Variants in REST observed in about 807,000 individuals in gnomAD.
REST encodes RE1-silencing transcription factor.
Under a neutral mutation model 30.4 loss-of-function variants are expected in REST, and 1 was observed. That is an observed-to-expected ratio of 0.03 (90% CI 0.01 to 0.16). The LOEUF (loss-of-function observed/expected upper bound fraction) is 0.16. Ranked by LOEUF, REST falls within the 10% of genes least tolerant of loss-of-function variation. REST has a pLI of 1.00. For missense variants in REST, 1,259 were observed against 1,329.5 expected (o/e 0.95, Z 0.82); for synonymous variants, 504 against 451.1 (o/e 1.12, Z -1.49).
Position 56,910,906 on chromosome 4 carries a change from G to A in REST, c.268G>A (p.Gly90Arg), listed in dbSNP as rs748955783. Residue 90 changes from glycine to arginine, a missense_variant, in exon 2 of 4, where the codon GGA (glycine) becomes AGA (arginine). Physicochemically the swap from Gly to Arg is moderately radical, Grantham distance 125 (BLOSUM62 -2). Around this residue, in one of 5 missense-constraint regions of REST, gnomAD observed 249 missense variants for 251.5 expected, o/e 0.99. Coordinates refer to ENST00000309042, the MANE Select transcript of REST (RefSeq NM_005612.5). ...GDNNFSDSEE[G>R]EGLEESADIK... ...TAACAACTTTTCAGATAGTGAAGAA[G>A]GAGAAGGACTTGAAGAGTCTGCTGA... 6 of 1,614,078 alleles carry A rather than the reference G, an allele frequency of 3.7e-6. No homozygotes were observed. The highest frequency in any genetic ancestry group is 1.6e-4 in the Middle Eastern group (1 of 6,084).
intron 3 of REST, among the ~76,000 whole-genome samples, chr4:56,923,738 T>C (rs1253323359): frequency 6.6e-6 from 1 of 151,624 alleles, no homozygotes; most frequent in Non-Finnish European, 1.5e-5. Context: ...TTTATTTATT[T>C]ATTGAGACTG....
intron 2 of REST, among the ~76,000 whole-genome samples, chr4:56,919,029 G>A (rs547678292): frequency 1.3e-5 from 2 of 149,076 alleles, no homozygotes; most frequent in Non-Finnish European, 3.0e-5. Context: ...TCAGCCTCCC[G>A]AGTAGCTGGG....
Position 56,910,738 on chromosome 4 carries a change from C to T in REST, c.100C>T (p.His34Tyr). The change falls in exon 2 of 4, where the codon CAT (histidine) becomes TAT (tyrosine). Residue 34 changes from histidine to tyrosine, a missense_variant. Physicochemically the swap from His to Tyr is moderately conservative, Grantham distance 83. This residue lies in a region of REST where 249 missense variants were observed against 251.5 expected (regional missense o/e 0.99). Coordinates refer to ENST00000309042, the MANE Select transcript of REST (RefSeq NM_005612.5). ...CCTGCCTAACGACATGTATGACTTGCATGACCTTTCCAAAGCTGAACTGGC... is the reference window on the plus strand; with the variant it reads ...CCTGCCTAACGACATGTATGACTTGTATGACCTTTCCAAAGCTGAACTGGC... ...MALPNDMYDL[H>Y]DLSKAELAAP... 6.2e-7 allele frequency: 1 copy of T among 1,614,186 alleles called. No individual in the cohort carries two copies. Among genetic ancestry groups the T allele is most frequent in the South Asian group, 1.1e-5 (1 of 91,080 alleles).
At chr4:56,922,720 T>C (rs1720512051) in intron 3 of REST, among the ~76,000 whole-genome samples, 1 of 152,234 alleles carries the variant, frequency 6.6e-6, no homozygotes, top group Non-Finnish European at 1.5e-5. Context: ...TTGAAAAAAA[T>C]ACGACCTTTT....
At chr4:56,929,762 T>C (rs1480853400) in intron 3 of REST, 79 bp from the exon 4 acceptor site, 4 of 1,276,786 alleles carry the variant, frequency 3.1e-6, no homozygotes, top group Non-Finnish European at 4.3e-6. Flanking sequence ...GTTGTTACTT[T>C]ACATATACAG....
chr4:56,911,963 G>T (rs1230923572), intron 2 of REST, among the ~76,000 whole-genome samples: 1 of 151,404 alleles, frequency 6.6e-6, no homozygotes, highest in Admixed American at 6.6e-5. Context: ...GTCTCAAAAA[G>T]AAAACAGAAA....
chr4:56,932,230 C>T lies in REST; in HGVS notation c.*78C>T, dbSNP rs770018766. 107 of 1,437,632 alleles carry T rather than the reference C, an allele frequency of 7.4e-5. 1 individual carries two copies. The highest frequency in any genetic ancestry group is 4.7e-4 in the Middle Eastern group (2 of 4,258). 89.1% of individuals were successfully genotyped at this position (1,437,632 alleles called of 1,614,324 possible). On this transcript the variant is annotated 3_prime_UTR_variant, in exon 4 of 4. Coordinates refer to ENST00000309042, the MANE Select transcript of REST (RefSeq NM_005612.5). Reference sequence around the variant, plus strand: ...ATATTCATTTATGATAGCAGACAACCTTTTAAGATTGCTTTAATTAGTATC... The same window carrying T: ...ATATTCATTTATGATAGCAGACAACTTTTTAAGATTGCTTTAATTAGTATC...
At chr4:56,919,984 G>A in intron 3 of REST, 114 bp downstream of exon 3, 1 of 466,504 alleles carries the variant, frequency 2.1e-6, no homozygotes, top group Non-Finnish European at 3.6e-6. Context: ...ATATAATTTA[G>A]AAGTCAGAAT....
At position 56,930,962 on chromosome 4, in the gene REST, G is replaced by A; in HGVS notation, c.2104G>A (p.Gly702Arg). The A allele has an allele frequency of 1.9e-6, 3 of 1,613,952 alleles. No homozygotes were observed. Among genetic ancestry groups the A allele is most frequent in the South Asian group, 1.1e-5 (1 of 91,072 alleles). ...ETAQTEVAQM[G>R]PAPMEPAQME... Reference sequence around the variant, plus strand: ...TGCTCAGACGGAGGTTGCCCAAATGGGGCCTGCTCCCATGGAACCTGCTCA... The same window carrying A: ...TGCTCAGACGGAGGTTGCCCAAATGAGGCCTGCTCCCATGGAACCTGCTCA... Residue 702 changes from glycine to arginine, a missense_variant, in exon 4 of 4, where the codon GGG becomes AGG. Coordinates refer to ENST00000309042, the MANE Select transcript of REST (RefSeq NM_005612.5).
chr4:56,910,909 G>C lies in REST; in HGVS notation c.271G>C (p.Glu91Gln). ...CAACTTTTCAGATAGTGAAGAAGGA[G>C]AAGGACTTGAAGAGTCTGCTGATAT... ...DNNFSDSEEG[E>Q]GLEESADIKG... The change falls in exon 2 of 4, where the codon GAA becomes CAA. Residue 91 changes from glutamate to glutamine, a missense_variant. Physicochemically the swap from Glu to Gln is conservative, Grantham distance 29. Coordinates refer to ENST00000309042, the MANE Select transcript of REST (RefSeq NM_005612.5). The C allele has an allele frequency of 6.2e-7, 1 of 1,614,192 alleles. No individual in the cohort carries two copies. Among genetic ancestry groups the C allele is most frequent in the South Asian group, 1.1e-5 (1 of 91,088 alleles).
chr4:56,919,223 T>TA (rs1720339286), intron 2 of REST, among the ~76,000 whole-genome samples: 3 of 151,880 alleles, frequency 2.0e-5, no homozygotes, highest in Admixed American at 6.6e-5. Flanking sequence ...GTTTTTAAAA[T>TA]AAAATTTTAG....
chr4:56,908,608 C>G (rs1337035950), intron 1 of REST, among the ~76,000 whole-genome samples: 3 of 152,096 alleles, frequency 2.0e-5, no homozygotes, highest in Non-Finnish European at 4.4e-5. Flanking sequence ...GGTCCCACCG[C>G]AGCCCCGCGC....
At chr4:56,914,135 G>A (rs1357571075) in intron 2 of REST, among the ~76,000 whole-genome samples, 4 of 151,966 alleles carry the variant, frequency 2.6e-5, no homozygotes, top group African/African-American at 9.7e-5. Context: ...TCGCCATGTT[G>A]CCCAGATTGG....
chr4:56,917,285 T>C (rs1036089402), intron 2 of REST, among the ~76,000 whole-genome samples: 7 of 152,224 alleles, frequency 4.6e-5, no homozygotes, highest in Non-Finnish European at 7.3e-5. Flanking sequence ...AGAATAGTTA[T>C]GAGGAACACA....
chr4:56,920,358 T>C (rs1264945634), intron 3 of REST, among the ~76,000 whole-genome samples: 1 of 150,196 alleles, frequency 6.7e-6, no homozygotes, highest in African/African-American at 2.5e-5. Flanking sequence ...AAAAAGAAAA[T>C]GATAGACAAT....
chr4:56,911,572 C>G, intron 2 of REST, 36 bp downstream of exon 2: 3 of 1,536,904 alleles, frequency 2.0e-6, no homozygotes, highest in Non-Finnish European at 2.7e-6. Context: ...GTTCAGTTCT[C>G]TTTTCTGATT....
intron 3 of REST, among the ~76,000 whole-genome samples, chr4:56,924,187 C>T (rs1229348417): frequency 1.3e-5 from 2 of 152,066 alleles, no homozygotes; most frequent in Non-Finnish European, 2.9e-5. Flanking sequence ...CTGTTGATAA[C>T]GTTGGTGCCA....
rs949636705 is a variant in REST, at chr4:56,933,071, G to C, written c.*919G>C. 1.3e-5 allele frequency: 2 copies of C among 152,170 alleles called. No individual in the cohort carries two copies. The highest frequency in any genetic ancestry group is 4.8e-5 in the African/African-American group (2 of 41,450). The allele number at this position is 152,170 out of a possible 1,614,324, so 9.4% of individuals were successfully genotyped here. ...ATTTTTACATCTTATATCTATGCCA[G>C]AATCTGTATTTCATATAACTTATTT... On this transcript the variant is annotated 3_prime_UTR_variant, in exon 4 of 4. Coordinates refer to ENST00000309042, the MANE Select transcript of REST (RefSeq NM_005612.5).
At position 56,930,167 on chromosome 4, in the gene REST, T is replaced by G. The variant is rs569303832; in HGVS notation, c.1309T>G (p.Leu437Val). 17 of 1,612,866 alleles carry G rather than the reference T, an allele frequency of 1.1e-5. 1 individual carries two copies. The South Asian group carries it at 1.9e-4, about 18-fold the overall frequency. Residue 437 changes from leucine (L) to valine (V), a missense_variant, in exon 4 of 4, where the codon TTG becomes GTG. Physicochemically the swap from Leu to Val is conservative, Grantham distance 32. Coordinates refer to ENST00000309042, the MANE Select transcript of REST (RefSeq NM_005612.5). ...LKKTKKREAD[L>V]PDNITNEKTE... ...GAAAACCAAAAAACGAGAGGCTGAC[T>G]TGCCTGATAATATTACCAATGAAAA...
Sources: allele counts gnomAD v4.1 joint callset (sites outside exome capture counted in the v4.1 genomes callset), GRCh38; gene constraint gnomAD v4.1.1; regional missense constraint gnomAD v4.1.1; transcripts MANE v1.5; gene names NCBI Gene and HGNC (gene_info 2026-07-23, HGNC 2026-07-21).